Variants in CTBP1 observed in about 807,000 individuals in gnomAD.
CTBP1 encodes C-terminal binding protein 1.
Under a neutral mutation model 42.1 loss-of-function variants are expected in CTBP1, and 11 were observed. The observed-to-expected ratio is 0.26, with a 90% confidence interval of 0.16 to 0.43. CTBP1 has a LOEUF of 0.43. CTBP1 is among the 20% of genes least tolerant of loss of function. CTBP1 has a pLI of 1.00. For missense variants in CTBP1, 399 were observed against 624.3 expected (o/e 0.64, Z 3.85); for synonymous variants, 324 against 277.1 (o/e 1.17, Z -1.68).
intron 1 of CTBP1, chr4:1,245,512 C>A (rs1732624386): frequency 1.0e-6 from 1 of 985,256 alleles, no homozygotes; most frequent in African/African-American, 1.7e-5. Flanking sequence ...GCAGACAGGG[C>A]AGCCCAGGAG....
chr4:1,242,922 CTCA>C (rs1732326218), intron 1 of CTBP1: 10 of 985,306 alleles, frequency 1.0e-5, no homozygotes, highest in Non-Finnish European at 1.2e-5. Context: ...CCAGCCGATA[CTCA>C]TCAACGCCAG....
chr4:1,235,541 C>T lies in CTBP1; in HGVS notation c.162+2642G>A, dbSNP rs1731406204. 6.6e-6 allele frequency: 1 copy of T among 152,248 alleles called. No individual in the cohort carries two copies. Among genetic ancestry groups the T allele is most frequent in the African/African-American group, 2.4e-5 (1 of 41,450 alleles). 9.4% of individuals were successfully genotyped at this position (152,248 alleles called of 1,614,324 possible). On this transcript the variant is annotated intron_variant, in intron 3 of 9. Coordinates refer to ENST00000382952, the MANE Select transcript of CTBP1 (RefSeq NM_001012614.2). The surrounding 1 kb of genome is among the most constrained non-coding windows in gnomAD (Gnocchi z 4.2). ...GCCGCCTGGTCAGCTGGTAAACCCG[C>T]CCCTCAGTTCCACCGATCAGCTTCG...
chr4:1,212,311 G>C lies in CTBP1; in HGVS notation c.1219C>G (p.Pro407Ala). ...SHGLPPVAHPPHAPSPGQTVK... is the reference protein window; with the variant it reads ...SHGLPPVAHPAHAPSPGQTVK... ...GTTTGGCCAGGAGAAGGGGCGTGGG[G>C]CGGGTGGGCCACAGGGGGCAGGCCG... is the stretch of plus-strand genomic sequence containing the variant. The change falls in exon 10 of 10, where the codon CCC becomes GCC. Residue 407 changes from proline to alanine, a missense_variant. By Grantham distance (27) the Pro-to-Ala change is conservative. Transcript: ENST00000382952. 6.5e-7 allele frequency: 1 copy of C among 1,529,976 alleles called. No homozygotes were observed. The highest frequency in any genetic ancestry group is 8.8e-7 in the Non-Finnish European group (1 of 1,141,736). 94.8% of individuals were successfully genotyped at this position (1,529,976 alleles called of 1,614,324 possible). A position where few individuals can be genotyped will look rare whatever the true frequency, so the allele number is the denominator to read the frequency against.
At chr4:1,225,209 T>C (rs1445724811) in intron 5 of CTBP1, 151 bp downstream of exon 5, 17 of 896,326 alleles carry the variant, frequency 1.9e-5, no homozygotes, top group Non-Finnish European at 2.1e-5. Flanking sequence ...TCCCGGGCCC[T>C]GGTGCCTGTG....
rs372503163 is a variant in CTBP1, at chr4:1,225,409, C to A, written c.465G>T (p.Ala155=). 1.9e-6 allele frequency: 3 copies of A among 1,566,032 alleles called. No homozygotes were observed. Among genetic ancestry groups the A allele is most frequent in the African/African-American group, 2.7e-5 (2 of 73,616 alleles). The part of the protein sequence containing the change: ...VQSVEQIREV[A]SGAARIRGET... ...CCCCGCGGATCCTGGCAGCGCCGGACGCCACCTCGCGGATCTGCTCGACGC... is the reference window on the plus strand; with the variant it reads ...CCCCGCGGATCCTGGCAGCGCCGGAAGCCACCTCGCGGATCTGCTCGACGC... Residue 155 remains alanine, a synonymous_variant, in exon 5 of 10, where the codon GCG becomes GCT. Transcript: ENST00000382952.
chr4:1,228,498 C>T (rs924388268), intron 3 of CTBP1, among the ~76,000 whole-genome samples, 155 bp from the exon 4 acceptor site: 2 of 152,236 alleles, frequency 1.3e-5, no homozygotes, highest in African/African-American at 4.8e-5. Flanking sequence ...TACATGAAGG[C>T]TTCCCCGCCA....
In CTBP1 at chr4:1,216,111, C is replaced by G. The variant is rs377714722; in HGVS notation, c.609G>C (p.Ala203=). 1 of 1,611,392 alleles carries G rather than the reference C, an allele frequency of 6.2e-7. No homozygotes were observed. The highest frequency in any genetic ancestry group is 1.7e-5 in the Admixed American group (1 of 60,018). The change falls in exon 6 of 10, where the codon GCG becomes GCC. Residue 203 remains alanine (A), a synonymous_variant. Transcript: ENST00000382952. ...DPYLSDGVER[A]LGLQRVSTLQ... ...GGGTGCTGACACGCTGCAGCCCCAG[C>G]GCCCGCTCCACGCCATCCGACAAGT...
intron 1 of CTBP1, chr4:1,244,549 A>T (rs1038856273): frequency 4.1e-6 from 4 of 984,348 alleles, no homozygotes; most frequent in Non-Finnish European, 1.2e-6. Flanking sequence ...CCCCTCCCTC[A>T]CGACCTCCAC....
chr4:1,221,162 C>T (rs770267547), intron 5 of CTBP1, among the ~76,000 whole-genome samples: 8 of 152,370 alleles, frequency 5.3e-5, no homozygotes, highest in Admixed American at 1.3e-4. Context: ...ACGAAAAAGA[C>T]GGCCGGAGGT....
chr4:1,244,356 G>GGC (rs1553851081), intron 1 of CTBP1: 125 of 961,010 alleles, frequency 1.3e-4, no homozygotes, highest in Non-Finnish European at 1.4e-4. Flanking sequence ...CTGGGCACTG[G>GGC]GGGGGGGGTG....
At chr4:1,218,140 T>C (rs1231940426) in intron 5 of CTBP1, 1 of 152,220 alleles carries the variant, frequency 6.6e-6, no homozygotes, top group Non-Finnish European at 1.5e-5. Flanking sequence ...CCTTGGTGGC[T>C]GACGCCTGTA....
chr4:1,245,497 G>C, intron 1 of CTBP1: 1 of 985,420 alleles, frequency 1.0e-6, no homozygotes, highest in Non-Finnish European at 1.2e-6. Flanking sequence ...GCTCCTGCCA[G>C]CCACGCAGAC....
At position 1,228,615 on chromosome 4, in the gene CTBP1, G is replaced by A. The variant is rs76446790; in HGVS notation, c.163-272C>T. ...AGGCCGGCACTGGTCAGAGTTGCCC[G>A]CTCCCCACTGTGGTGGCTGAGATGT... On this transcript the variant is annotated intron_variant, in intron 3 of 9. Transcript: ENST00000382952. 7.6e-4 allele frequency among the ~76,000 whole-genome samples: 115 copies of A among 152,294 alleles called. 1 individual carries two copies. In the East Asian group the frequency reaches 0.022, roughly 29 times the overall value.
intron 5 of CTBP1, chr4:1,217,688 C>CCATTCTTCACTTCTGTCA (rs1729292422): frequency 1.3e-5 from 2 of 152,216 alleles, no homozygotes; most frequent in South Asian, 4.1e-4. Context: ...CGGGGCGAGA[C>CCATTCTTCACTTCTGTCA]CATTCTTCAC....
In CTBP1 at chr4:1,249,056, G is replaced by A. The variant is rs1473091708; in HGVS notation, c.-329C>T. 4.7e-6 allele frequency: 2 copies of A among 426,226 alleles called. No individual in the cohort carries two copies. Among genetic ancestry groups the A allele is most frequent in the Non-Finnish European group, 6.2e-6 (2 of 322,254 alleles). The allele number at this position is 426,226 out of a possible 1,614,324, so 26.4% of individuals were successfully genotyped here. ...CTCGGCGCCGTCCGCTGCTCCGCCC[G>A]CCCGCCTGCGCCTGGCCGCCGCCGT... On this transcript the variant is annotated 5_prime_UTR_variant, in exon 1 of 10. Coordinates refer to ENST00000382952, the MANE Select transcript of CTBP1 (RefSeq NM_001012614.2).
At chr4:1,228,135 G>A (rs540632689) in intron 4 of CTBP1, 64 bp downstream of exon 4, 10 of 1,587,832 alleles carry the variant, frequency 6.3e-6, no homozygotes, top group Non-Finnish European at 8.6e-6. Context: ...AGCCTCCATG[G>A]ACGAAGCAAG....
intron 4 of CTBP1, among the ~76,000 whole-genome samples, chr4:1,227,435 G>A (rs1000867220): frequency 6.7e-6 from 1 of 150,212 alleles, no homozygotes; most frequent in East Asian, 2.0e-4. Flanking sequence ...TGATCCGTGT[G>A]CTGAGTGCGT....
chr4:1,226,621 C>A (rs896388685), intron 4 of CTBP1, among the ~76,000 whole-genome samples: 1 of 150,592 alleles, frequency 6.6e-6, no homozygotes, highest in Admixed American at 6.6e-5. Context: ...CCAGACCATC[C>A]CTGGCTGAAG....
intron 1 of CTBP1, chr4:1,242,679 G>T: frequency 1.0e-6 from 1 of 985,406 alleles, no homozygotes; most frequent in Non-Finnish European, 1.2e-6. Flanking sequence ...CCTGACGGAG[G>T]GCCCAAGAGC....
Sources: gnomAD v4.1 joint callset for allele counts (sites outside exome capture counted in the v4.1 genomes callset) on GRCh38, gnomAD v4.1.1 for gene constraint, Gnocchi (gnomAD v3.1) non-coding constraint, MANE v1.5 for transcripts, NCBI Gene and HGNC (gene_info 2026-07-23, HGNC 2026-07-21) for gene names.